ZBTB7C: variants seen among roughly 807,000 people sequenced by gnomAD.
The protein encoded by ZBTB7C is zinc finger and BTB domain-containing protein 7C.
ZBTB7C carries 8 observed loss-of-function variants against 25.7 expected under a neutral mutation model. That is an observed-to-expected ratio of 0.31 (90% CI 0.18 to 0.56). The LOEUF (loss-of-function observed/expected upper bound fraction) is 0.56. Among genes scored for constraint, ZBTB7C ranks in the 20% least tolerant of loss-of-function variants. The pLI is 0.91. For missense variants in ZBTB7C, 824 were observed against 855.2 expected (o/e 0.96, Z 0.46); for synonymous variants, 394 against 369.0 (o/e 1.07, Z -0.78).
At chr18:48,343,104 G>A (rs936754297) in intron 1 of ZBTB7C, among the ~76,000 whole-genome samples, 6 of 152,114 alleles carry the variant, frequency 3.9e-5, no homozygotes, top group African/African-American at 9.7e-5. Flanking sequence ...TAACCAGCTG[G>A]CTGTGCGACC....
At chr18:48,392,686 G>A (rs566269561) in intron 1 of ZBTB7C, among the ~76,000 whole-genome samples, 1 of 152,302 alleles carries the variant, frequency 6.6e-6, no homozygotes, top group East Asian at 1.9e-4. Flanking sequence ...ATCAGACTGG[G>A]AAAGCACAGT....
chr18:48,362,265 C>G (rs1376931870), intron 1 of ZBTB7C, among the ~76,000 whole-genome samples: 1 of 152,232 alleles, frequency 6.6e-6, no homozygotes, highest in Non-Finnish European at 1.5e-5. Context: ...CCCCAACAAA[C>G]TCAAAGCAAA....
chr18:48,242,556 A>T (rs1417661962), intron 2 of ZBTB7C, among the ~76,000 whole-genome samples: 1 of 152,236 alleles, frequency 6.6e-6, no homozygotes, highest in Non-Finnish European at 1.5e-5. Context: ...TACACAAATC[A>T]ATAAATGTGA....
intron 4 of ZBTB7C, among the ~76,000 whole-genome samples, chr18:48,034,066 G>A (rs1397202644): frequency 1.3e-5 from 2 of 152,210 alleles, no homozygotes; most frequent in Non-Finnish European, 2.9e-5. Flanking sequence ...TGGAAGCAGC[G>A]TGAGTTTAGC....
At chr18:48,291,143 T>A (rs1170639447) in intron 2 of ZBTB7C, among the ~76,000 whole-genome samples, 1 of 152,112 alleles carries the variant, frequency 6.6e-6, no homozygotes, top group Non-Finnish European at 1.5e-5. Flanking sequence ...CCACTATAAG[T>A]AGAGGGCTGG....
intron 1 of ZBTB7C, among the ~76,000 whole-genome samples, chr18:48,400,446 A>G (rs1206440847): frequency 6.6e-6 from 1 of 152,200 alleles, no homozygotes; most frequent in Non-Finnish European, 1.5e-5. Context: ...GGAATAAACT[A>G]TATGCCTATC....
At chr18:48,367,202 T>C (rs9964309) in intron 1 of ZBTB7C, among the ~76,000 whole-genome samples, 4,668 of 63,408 alleles carry the variant, frequency 0.074, 413 homozygotes, top group Admixed American at 0.19. Flanking sequence ...TATATATATA[T>C]ACACACACAC....
At chr18:48,043,264 T>G (rs1277035419) in intron 3 of ZBTB7C, among the ~76,000 whole-genome samples, 1 of 152,218 alleles carries the variant, frequency 6.6e-6, no homozygotes, top group Non-Finnish European at 1.5e-5. Flanking sequence ...TGAAATCTTA[T>G]GTCCATGAAA....
chr18:48,313,385 T>C (rs1396587021), intron 2 of ZBTB7C, among the ~76,000 whole-genome samples: 1 of 152,198 alleles, frequency 6.6e-6, no homozygotes, highest in Non-Finnish European at 1.5e-5. Context: ...GGGAATTAGA[T>C]CACCTTGGTG....
At chr18:48,099,916 C>T (rs1403993616) in intron 3 of ZBTB7C, among the ~76,000 whole-genome samples, 2 of 152,212 alleles carry the variant, frequency 1.3e-5, no homozygotes, top group Admixed American at 1.3e-4. Context: ...ACACAGTTCC[C>T]TTTTAAATGA....
At chr18:48,104,735 G>C (rs964539618) in intron 3 of ZBTB7C, among the ~76,000 whole-genome samples, 2 of 152,272 alleles carry the variant, frequency 1.3e-5, no homozygotes, top group South Asian at 4.1e-4. Flanking sequence ...GCCCTCCTAA[G>C]CCAGACTCTC....
chr18:48,277,316 C>G (rs1483283461), intron 2 of ZBTB7C, among the ~76,000 whole-genome samples: 1 of 146,774 alleles, frequency 6.8e-6, no homozygotes, highest in East Asian at 2.0e-4. Context: ...AACAAACAAC[C>G]CCATCAAAAA....
At chr18:48,219,818 G>A (rs2042908155) in intron 2 of ZBTB7C, among the ~76,000 whole-genome samples, 2 of 152,144 alleles carry the variant, frequency 1.3e-5, no homozygotes, top group African/African-American at 4.8e-5. Context: ...ATCCCTATTT[G>A]GGTAACTGGT....
At chr18:48,363,035 T>C (rs1349459114) in intron 1 of ZBTB7C, among the ~76,000 whole-genome samples, 1 of 152,222 alleles carries the variant, frequency 6.6e-6, no homozygotes, top group Non-Finnish European at 1.5e-5. Context: ...AGTCTCTCTT[T>C]ACCTCAACAT....
chr18:48,165,424 G>A (rs1568270781), intron 3 of ZBTB7C: 2 of 319,180 alleles, frequency 6.3e-6, no homozygotes, highest in Non-Finnish European at 1.2e-5. Flanking sequence ...TATTCAGAGA[G>A]CAAACTTGGG....
intron 3 of ZBTB7C, among the ~76,000 whole-genome samples, chr18:48,077,653 C>T (rs778723485): frequency 3.0e-4 from 46 of 152,170 alleles, no homozygotes; most frequent in Admixed American, 3.9e-4. Context: ...CAGATGCACA[C>T]GTGGAAGTCG....
chr18:48,316,629 C>T (rs1163170442), intron 2 of ZBTB7C, among the ~76,000 whole-genome samples: 1 of 152,200 alleles, frequency 6.6e-6, no homozygotes. Context: ...AGCCTGGCAT[C>T]TCTTGCTCCC....
chr18:48,383,908 C>G (rs964921606), intron 1 of ZBTB7C, among the ~76,000 whole-genome samples: 1 of 152,102 alleles, frequency 6.6e-6, no homozygotes, highest in Admixed American at 6.5e-5. Context: ...CTGGATGGAG[C>G]CTCGACCTAA....
chr18:48,045,192 C>T (rs1234560457), intron 3 of ZBTB7C, among the ~76,000 whole-genome samples: 1 of 152,244 alleles, frequency 6.6e-6, no homozygotes, highest in Non-Finnish European at 1.5e-5. Context: ...GCAGGGCAGA[C>T]TGGAGCCCTC....
Sources: allele counts gnomAD v4.1 joint callset (sites outside exome capture counted in the v4.1 genomes callset), GRCh38; gene constraint gnomAD v4.1.1; transcripts MANE v1.5; gene names NCBI Gene and HGNC (gene_info 2026-07-23, HGNC 2026-07-21).